SERPINE2: variants seen among roughly 807,000 people sequenced by gnomAD.
SERPINE2 encodes the protein serpin family E member 2.
In SERPINE2, 14 loss-of-function variants were observed where a neutral mutation model predicts 36.3. The ratio of observed to expected loss-of-function variants is 0.39; its 90% CI spans 0.25 to 0.60. The LOEUF is 0.60. SERPINE2 is among the 20% of genes least tolerant of loss of function. The pLI is 0.57. For synonymous variants in SERPINE2, 192 were observed against 191.8 expected (o/e 1.00, Z -0.01); for missense variants, 418 against 499.6 (o/e 0.84, Z 1.56).
chr2:224,039,110 G>A lies in SERPINE2; in HGVS notation c.-34C>T, dbSNP rs1247930315. On this transcript the variant is annotated 5_prime_UTR_variant, in exon 1 of 9. Coordinates refer to ENST00000409304, the MANE Select transcript of SERPINE2 (RefSeq NM_001136528.2). This position sits in a 1 kb window ranked among gnomAD's most constrained non-coding sequence, Gnocchi z 5.2. ...CAGCCTGTACTCACCGCGCTCGCTGGATCCCCAGGGGGCGGCCGCGGAGGG... is the reference window on the plus strand; with the variant it reads ...CAGCCTGTACTCACCGCGCTCGCTGAATCCCCAGGGGGCGGCCGCGGAGGG... 1 of 151,034 alleles carries A rather than the reference G, an allele frequency of 6.6e-6. No homozygotes were observed. The highest frequency in any genetic ancestry group is 1.9e-4 in the East Asian group (1 of 5,150). The allele number at this position is 151,034 out of a possible 1,614,324, so 9.4% of individuals were successfully genotyped here. A position where few individuals can be genotyped will look rare whatever the true frequency, so the allele number is the denominator to read the frequency against.
At position 223,991,787 on chromosome 2, in the gene SERPINE2, C is replaced by T; in HGVS notation, c.685+16G>A. On this transcript the variant is annotated intron_variant, in intron 4 of 8. Transcript: ENST00000409304. ...CCAGCACATCCTAGAACAGGCTTCG[C>T]TGAGCATGAACTCACCACACCGGAA... 6.2e-7 allele frequency: 1 copy of T among 1,613,014 alleles called. No homozygotes were observed.
At chr2:223,986,608 T>C (rs1441510180) in intron 4 of SERPINE2, among the ~76,000 whole-genome samples, 1 of 152,170 alleles carries the variant, frequency 6.6e-6, no homozygotes, top group African/African-American at 2.4e-5. Context: ...TAATAAGTGA[T>C]TGCTCCAGGG....
Position 223,998,177 on chromosome 2 carries a change from T to A in SERPINE2, c.425A>T (p.Asn142Ile). The stretch of plus-strand genomic sequence containing the variant: ...ACAGGCAGAGGCTGGATCCTCAAAG[T>A]TCACATTCCGGACCTCACACTGGAA... ...DVFQCEVRNVNFEDPASACDS... is the reference protein window; with the variant it reads ...DVFQCEVRNVIFEDPASACDS... Residue 142 changes from asparagine to isoleucine, a missense_variant, in exon 3 of 9, where the codon AAC becomes ATC. Physicochemically the swap from Asn to Ile is moderately radical, Grantham distance 149 (BLOSUM62 -3). Transcript: ENST00000409304. 1 of 1,614,234 alleles carries A rather than the reference T, an allele frequency of 6.2e-7. No individual in the cohort carries two copies. The highest frequency in any genetic ancestry group is 8.5e-7 in the Non-Finnish European group (1 of 1,180,044).
At chr2:224,034,054 C>T (rs75859269) in intron 1 of SERPINE2, among the ~76,000 whole-genome samples, 1,900 of 152,266 alleles carry the variant, frequency 0.012, 45 homozygotes, top group African/African-American at 0.044. Flanking sequence ...AGTAAACTTA[C>T]AAAAAATATG....
chr2:223,996,191 AT>A (rs1393097536), intron 3 of SERPINE2, among the ~76,000 whole-genome samples: 1 of 152,144 alleles, frequency 6.6e-6, no homozygotes, highest in Non-Finnish European at 1.5e-5. Flanking sequence ...GTGGTTTAAT[AT>A]TGCCATTCTA....
chr2:223,977,455 T>C, intron 8 of SERPINE2, 89 bp downstream of exon 8: 1 of 829,254 alleles, frequency 1.2e-6, no homozygotes, highest in South Asian at 1.4e-5. Flanking sequence ...AAATGGACTA[T>C]GGGCACCACT....
At chr2:224,005,896 C>G (rs1345141977) in intron 1 of SERPINE2, among the ~76,000 whole-genome samples, 1 of 152,176 alleles carries the variant, frequency 6.6e-6, no homozygotes, top group African/African-American at 2.4e-5. Context: ...AGAGCCATCG[C>G]CACAGGCATA....
intron 3 of SERPINE2, among the ~76,000 whole-genome samples, chr2:223,996,520 C>T: frequency 6.6e-6 from 1 of 152,178 alleles, no homozygotes; most frequent in East Asian, 1.9e-4. Context: ...TTCACTAGTT[C>T]TGCTAATGGG....
intron 2 of SERPINE2, 85 bp from the exon 3 acceptor site, chr2:223,998,427 AACAGT>A (rs1398150548): frequency 9.6e-7 from 1 of 1,037,968 alleles, no homozygotes; most frequent in African/African-American, 1.6e-5. Context: ...AGCAAGTAAG[AACAGT>A]ATAGGCCAGG....
chr2:224,031,409 G>A (rs1357412567), intron 1 of SERPINE2: 11 of 985,234 alleles, frequency 1.1e-5, no homozygotes, highest in Non-Finnish European at 1.3e-5. Flanking sequence ...GGGGAAAACA[G>A]AAAGAAAGGC....
chr2:224,021,810 G>A (rs756754153), intron 1 of SERPINE2, among the ~76,000 whole-genome samples: 7 of 152,202 alleles, frequency 4.6e-5, no homozygotes, highest in Non-Finnish European at 8.8e-5. Flanking sequence ...GATCACATGA[G>A]GTCAGGAGTT....
chr2:224,015,590 T>C (rs962135833), intron 1 of SERPINE2, among the ~76,000 whole-genome samples: 3 of 152,182 alleles, frequency 2.0e-5, no homozygotes, highest in Non-Finnish European at 4.4e-5. Flanking sequence ...CTCCAACAAA[T>C]AGGCAGCTCA....
chr2:224,028,608 G>A (rs139632859), intron 1 of SERPINE2, among the ~76,000 whole-genome samples: 7 of 152,008 alleles, frequency 4.6e-5, no homozygotes, highest in East Asian at 1.9e-4. Flanking sequence ...AATCGGAGCC[G>A]GGTGTTCTAC....
At chr2:224,021,129 TG>T (rs1691983602) in intron 1 of SERPINE2, among the ~76,000 whole-genome samples, 1 of 152,164 alleles carries the variant, frequency 6.6e-6, no homozygotes, top group Admixed American at 6.5e-5. Flanking sequence ...AAACCTGATG[TG>T]GTCTCATAAG....
intron 1 of SERPINE2, among the ~76,000 whole-genome samples, chr2:224,018,498 G>A (rs961175968): frequency 6.6e-6 from 1 of 151,664 alleles, no homozygotes; most frequent in Non-Finnish European, 1.5e-5. Flanking sequence ...GAGCTCCACT[G>A]GAAAGCCTGT....
intron 4 of SERPINE2, among the ~76,000 whole-genome samples, chr2:223,988,644 A>G (rs1159317049): frequency 6.6e-6 from 1 of 152,254 alleles, no homozygotes; most frequent in Non-Finnish European, 1.5e-5. Flanking sequence ...ATTCATAACC[A>G]TAAAACATTT....
intron 1 of SERPINE2, among the ~76,000 whole-genome samples, chr2:224,018,442 G>C (rs1018223144): frequency 2.6e-5 from 4 of 152,014 alleles, no homozygotes; most frequent in Admixed American, 2.6e-4. Flanking sequence ...ACCTCATATA[G>C]AAAATGCTTG....
intron 8 of SERPINE2, among the ~76,000 whole-genome samples, chr2:223,977,170 AG>A (rs1372279788): frequency 6.6e-6 from 1 of 152,208 alleles, no homozygotes; most frequent in African/African-American, 2.4e-5. Flanking sequence ...TCTTCATAGC[AG>A]GGTGAGAACA....
At chr2:224,030,070 A>G (rs907201285) in intron 1 of SERPINE2, 6 of 985,450 alleles carry the variant, frequency 6.1e-6, no homozygotes, top group Non-Finnish European at 7.2e-6. Flanking sequence ...TGACAGGGCT[A>G]CCTGCAACGT....
Sources: gnomAD v4.1 joint callset for allele counts (sites outside exome capture counted in the v4.1 genomes callset) on GRCh38, gnomAD v4.1.1 for gene constraint, Gnocchi (gnomAD v3.1) non-coding constraint, MANE v1.5 for transcripts, NCBI Gene and HGNC (gene_info 2026-07-23, HGNC 2026-07-21) for gene names.